ENKUR: variants seen among roughly 807,000 people sequenced by gnomAD.
The protein encoded by ENKUR is enkurin.
Under a neutral mutation model 27.6 loss-of-function variants are expected in ENKUR, and 19 were observed. The observed-to-expected ratio is 0.69, with a 90% confidence interval of 0.48 to 1.01. The LOEUF (loss-of-function observed/expected upper bound fraction) is 1.01, where lower values mean the gene tolerates loss of function less well. ENKUR is among the 50% of genes least tolerant of loss of function. The pLI is 0.00. For missense variants in ENKUR, 312 were observed against 310.5 expected (o/e 1.00, Z -0.04); for synonymous variants, 117 against 96.9 (o/e 1.21, Z -1.22).
intron 3 of ENKUR, among the ~76,000 whole-genome samples, chr10:24,994,015 AGGAAGTACCT>A (rs1178146055): frequency 6.6e-6 from 1 of 152,136 alleles, no homozygotes; most frequent in Non-Finnish European, 1.5e-5. Context: ...CCACAGAAGG[AGGAAGTACCT>A]GGAGAAGCCT....
At chr10:25,016,436 T>G (rs570477174), upstream of ENKUR, among the ~76,000 whole-genome samples, 1 of 152,334 alleles carries the variant, frequency 6.6e-6, no homozygotes, top group South Asian at 2.1e-4. Context: ...AAGGTTTTTG[T>G]GAGCAGGCCC....
intron 2 of ENKUR, chr10:25,024,214 A>T: frequency 1.9e-6 from 3 of 1,614,222 alleles, no homozygotes; most frequent in Non-Finnish European, 2.5e-6. Flanking sequence ...TGCTCCTGTC[A>T]GGCACCTTTC....
At chr10:25,060,617 G>T (rs1471361644) in intron 2 of ENKUR, among the ~76,000 whole-genome samples, 1 of 152,104 alleles carries the variant, frequency 6.6e-6, no homozygotes, top group Admixed American at 6.6e-5. Flanking sequence ...TTTGAATGGG[G>T]CTTGAACCTA....
intron 2 of ENKUR, among the ~76,000 whole-genome samples, chr10:25,054,513 C>CCTTT (rs1554774509): frequency 0.05 from 3,447 of 69,532 alleles, 238 homozygotes; most frequent in South Asian, 0.064. Context: ...TTCTTTCTTT[C>CCTTT]CTTTCTTTCT....
intron 2 of ENKUR, among the ~76,000 whole-genome samples, chr10:25,035,310 G>A (rs1172098049): frequency 2.0e-5 from 3 of 152,126 alleles, no homozygotes; most frequent in African/African-American, 4.8e-5. Flanking sequence ...ATTCCAGTAC[G>A]TGGGGAGACT....
chr10:25,023,349 G>C, intron 2 of ENKUR: 1 of 1,614,152 alleles, frequency 6.2e-7, no homozygotes, highest in Non-Finnish European at 8.5e-7. Context: ...TTGCGGAATT[G>C]AGGAAGTCAT....
intron 2 of ENKUR, among the ~76,000 whole-genome samples, chr10:25,032,624 T>C (rs1850949607): frequency 6.6e-6 from 1 of 152,218 alleles, no homozygotes; most frequent in Non-Finnish European, 1.5e-5. Context: ...TCTCTAATTC[T>C]TGAACTATTT....
chr10:25,056,322 A>G (rs1055763784), intron 2 of ENKUR, among the ~76,000 whole-genome samples: 4 of 152,236 alleles, frequency 2.6e-5, no homozygotes, highest in East Asian at 1.9e-4. Context: ...TCTCAGCTCA[A>G]TGGGAAGGTA....
chr10:25,027,240 C>T (rs1850869054), intron 2 of ENKUR, among the ~76,000 whole-genome samples: 1 of 151,312 alleles, frequency 6.6e-6, no homozygotes, highest in Non-Finnish European at 1.5e-5. Context: ...CCTGTAGTCC[C>T]AGCTAGTCGG....
chr10:25,025,418 G>A, intron 2 of ENKUR: 2 of 1,611,298 alleles, frequency 1.2e-6, no homozygotes, highest in Non-Finnish European at 8.5e-7. Flanking sequence ...GTCTTGAAGA[G>A]TCATGTGGAA....
chr10:25,043,566 A>T (rs1851087727), intron 2 of ENKUR, among the ~76,000 whole-genome samples: 1 of 151,494 alleles, frequency 6.6e-6, no homozygotes, highest in Non-Finnish European at 1.5e-5. Context: ...ATGCCTATGA[A>T]TTTTTTTTTA....
rs1564337973 is a variant in ENKUR at position 24,995,858 on chromosome 10, CAA to C, written c.233_234del (p.Phe78Ter). The C allele has an allele frequency of 1.9e-6, 3 of 1,603,276 alleles. No homozygotes were observed. The highest frequency in any genetic ancestry group is 1.7e-6 in the Non-Finnish European group (2 of 1,177,086). ...KEKTLPPKKN[F>X]DRNVPKKPAV... ...GCAGGCTTTTTGGGCACGTTCCGAT[CAA>C]AGTTTTTTTCTGTTAAATATAACAT... On this transcript the variant is annotated frameshift_variant, in exon 3 of 6. Transcript: ENST00000331161. LOFTEE classifies it high-confidence loss of function.
At chr10:25,016,289 G>A (rs1276307223), upstream of ENKUR, 5 of 558,184 alleles carry the variant, frequency 9.0e-6, no homozygotes, top group East Asian at 4.0e-4. Context: ...CTGTTTTTAC[G>A]TGCCTTTGAA....
intron 2 of ENKUR, among the ~76,000 whole-genome samples, chr10:25,038,617 T>C (rs929934385): frequency 6.6e-6 from 1 of 152,198 alleles, no homozygotes; most frequent in Non-Finnish European, 1.5e-5. Flanking sequence ...CTGTCAAATT[T>C]GGAGAGAACT....
At chr10:25,054,117 T>C (rs1039376953) in intron 2 of ENKUR, among the ~76,000 whole-genome samples, 3 of 152,170 alleles carry the variant, frequency 2.0e-5, no homozygotes, top group Non-Finnish European at 4.4e-5. Context: ...GGATAAAAAC[T>C]TGCTTTAAAT....
chr10:25,027,478 G>A (rs1370263722), intron 2 of ENKUR, among the ~76,000 whole-genome samples: 13 of 150,620 alleles, frequency 8.6e-5, no homozygotes, highest in Admixed American at 7.3e-4. Flanking sequence ...TGCAGGTTGC[G>A]GTTGAGCAGA....
intron 4 of ENKUR, among the ~76,000 whole-genome samples, chr10:24,987,490 T>TA (rs887478811): frequency 4.0e-5 from 6 of 150,426 alleles, no homozygotes; most frequent in East Asian, 2.0e-4. Context: ...AAAAATGAAA[T>TA]AAAAAAAAAT....
chr10:25,058,792 G>A (rs748148550), intron 2 of ENKUR, among the ~76,000 whole-genome samples: 6 of 152,042 alleles, frequency 3.9e-5, no homozygotes, highest in Admixed American at 6.5e-5. Flanking sequence ...TTAGCCAGGT[G>A]TAGTGGCTCA....
intron 1 of ENKUR, chr10:25,061,425 T>A: frequency 2.6e-6 from 1 of 381,200 alleles, no homozygotes; most frequent in Non-Finnish European, 4.7e-6. Flanking sequence ...CAACACAAAC[T>A]GAATCTCTTC....
Sources: allele counts gnomAD v4.1 joint callset (sites outside exome capture counted in the v4.1 genomes callset), GRCh38; gene constraint gnomAD v4.1.1; transcripts MANE v1.5; gene names NCBI Gene and HGNC (gene_info 2026-07-23, HGNC 2026-07-21).